Variants in FER1L5 observed in about 807,000 individuals in gnomAD.
FER1L5 encodes fer-1 like family member 5.
A neutral mutation model predicts 279.9 loss-of-function variants in FER1L5; 187 were observed. The observed-to-expected ratio is 0.67, with a 90% CI of 0.59 to 0.75. FER1L5 has a LOEUF of 0.75. Among genes scored for constraint, FER1L5 ranks in the 30% least tolerant of loss-of-function variants. FER1L5 has a pLI of 0.00. For synonymous variants in FER1L5, 921 were observed against 989.7 expected, an observed-to-expected ratio of 0.93 and a Z score of 1.30; for missense variants, 2,091 against 2,594.4, an observed-to-expected ratio of 0.81 and a Z score of 4.21.
chr2:96,669,468 G>C (rs1299091452), intron 17 of FER1L5, among the ~76,000 whole-genome samples: 2 of 152,184 alleles, frequency 1.3e-5, no homozygotes. Flanking sequence ...AGGAATGGCG[G>C]TAAATGCCAG....
chr2:96,684,280 C>A, intron 19 of FER1L5, 47 bp from the exon 20 acceptor site: 6 of 1,537,484 alleles, frequency 3.9e-6, no homozygotes, highest in Non-Finnish European at 5.3e-6. Flanking sequence ...AGAGACCTCC[C>A]AGAATCCCCC....
chr2:96,675,707 G>A (rs140609999), intron 19 of FER1L5, among the ~76,000 whole-genome samples: 86 of 152,332 alleles, frequency 5.6e-4, no homozygotes, highest in African/African-American at 1.9e-3. Context: ...GATTACAGGC[G>A]TGAGACACTG....
intron 1 of FER1L5, among the ~76,000 whole-genome samples, chr2:96,645,909 A>C (rs2075102384): frequency 6.6e-6 from 1 of 152,162 alleles, no homozygotes; most frequent in African/African-American, 2.4e-5. Context: ...GAACCCACAC[A>C]AGAAAAAAAG....
chr2:96,644,854 T>C (rs2075050413), intron 1 of FER1L5, among the ~76,000 whole-genome samples: 1 of 152,086 alleles, frequency 6.6e-6, no homozygotes, highest in Non-Finnish European at 1.5e-5. Context: ...ATTGACTAAT[T>C]TTCCAGTTAG....
At chr2:96,672,538 AAG>A (rs1156293695) in intron 18 of FER1L5, among the ~76,000 whole-genome samples, 2 of 152,152 alleles carry the variant, frequency 1.3e-5, no homozygotes, top group Admixed American at 1.3e-4. Flanking sequence ...CAACAGAAAC[AAG>A]AGGGGCTGAT....
Position 96,660,343 on chromosome 2 carries a change from A to T in FER1L5, c.750A>T (p.Thr250=). 6.4e-7 allele frequency: 1 copy of T among 1,551,686 alleles called. No individual in the cohort carries two copies. The highest frequency in any genetic ancestry group is 8.7e-7 in the Non-Finnish European group (1 of 1,146,962). The change falls in exon 10 of 53, where the codon ACA becomes ACT. Residue 250 remains threonine, a splice_region_variant and synonymous_variant. Transcript: ENST00000624922. ...TCACCCCACTGTTGTCTTTTCAGAC[A>T]GATATTGGGTTTATCTACCATTCTC... The part of the protein sequence containing the change: ...RYKAEIGRFQ[T]DIGFIYHSPG...
chr2:96,669,791 C>T (rs1302964336), intron 17 of FER1L5, among the ~76,000 whole-genome samples: 2 of 152,160 alleles, frequency 1.3e-5, no homozygotes, highest in African/African-American at 4.8e-5. Flanking sequence ...CCCCGTGGCT[C>T]ACAGTTGCCA....
At chr2:96,674,987 T>C (rs1392837160) in intron 19 of FER1L5, among the ~76,000 whole-genome samples, 5 of 152,214 alleles carry the variant, frequency 3.3e-5, no homozygotes, top group Non-Finnish European at 7.3e-5. Context: ...CTTTTCTTTT[T>C]AATTCTTCAC....
In FER1L5 at chr2:96,663,447, A is replaced by T; in HGVS notation, c.1080A>T (p.Thr360=). The change falls in exon 14 of 53, where the codon ACA becomes ACT. Residue 360 remains threonine, a synonymous_variant. Coordinates refer to ENST00000624922, the MANE Select transcript of FER1L5 (RefSeq NM_001293083.2). The stretch of plus-strand genomic sequence containing the variant: ...GCTTTGGGACATTCCAGCTCAGGAC[A>T]CACATGCAGACCCAAACCGACAACC... ...EVELIGEKLR[T]HMQTQTDNPI... is the part of the protein sequence containing the mutation. The T allele has an allele frequency of 1.3e-6, 2 of 1,551,632 alleles. No homozygotes were observed. Among genetic ancestry groups the T allele is most frequent in the Non-Finnish European group, 1.7e-6 (2 of 1,146,940 alleles).
Position 96,703,278 on chromosome 2 carries a change from T to C in FER1L5, c.5623T>C (p.Phe1875Leu). 1 of 1,613,892 alleles carries C rather than the reference T, an allele frequency of 6.2e-7. No homozygotes were observed. The highest frequency in any genetic ancestry group is 8.5e-7 in the Non-Finnish European group (1 of 1,179,856). Residue 1875 changes from phenylalanine (F) to leucine (L), a missense_variant, in exon 50 of 53, where the codon TTT (phenylalanine) becomes CTT (leucine). Phe to Leu is a conservative substitution (Grantham distance 22). Transcript: ENST00000624922. ...CATCCAATACAAGCACTTCTCCCTC[T>C]TTAAGAAGAAGACTGTGACTGGCTG... is the stretch of plus-strand genomic sequence containing the variant. ...YFIQYKHFSL[F>L]KKKTVTGWWP... is the part of the protein sequence containing the mutation.
chr2:96,666,840 T>TG (rs2076144035), intron 14 of FER1L5, among the ~76,000 whole-genome samples: 1 of 151,892 alleles, frequency 6.6e-6, no homozygotes, highest in South Asian at 2.1e-4. Flanking sequence ...TTGGTAGAGA[T>TG]GGGGGTCTCA....
intron 52 of FER1L5, 46 bp from the exon 53 acceptor site, chr2:96,704,422 G>T: frequency 6.2e-7 from 1 of 1,612,888 alleles, no homozygotes; most frequent in Non-Finnish European, 8.5e-7. Flanking sequence ...TGGGGACAGC[G>T]TCTTCAGCTT....
chr2:96,703,584 G>A lies in FER1L5; in HGVS notation c.5753G>A (p.Gly1918Glu). 1.2e-6 allele frequency: 2 copies of A among 1,613,926 alleles called. No individual in the cohort carries two copies. Among genetic ancestry groups the A allele is most frequent in the Admixed American group, 1.7e-5 (1 of 60,012 alleles). The change falls in exon 51 of 53, where the codon GGG (glycine) becomes GAG (glutamate). Residue 1918 changes from glycine (G) to glutamate (E), a missense_variant. Transcript: ENST00000624922. The part of the protein sequence containing the change: ...SEKEALIKPA[G>E]RGQSEPNQYP... ...AAGGAAGCCTTAATCAAGCCAGCCG[G>A]GCGAGGCCAGTCGGAACCCAACCAG...
Position 96,702,464 on chromosome 2 carries a change from G to C in FER1L5, c.5255+63G>C. 1.3e-6 allele frequency: 2 copies of C among 1,563,044 alleles called. No homozygotes were observed. The highest frequency in any genetic ancestry group is 1.7e-6 in the Non-Finnish European group (2 of 1,154,286). ...GTTCCCCAGTTCTGTCATCCTGCTGGCACGGCCCAGTCCTGAATGGGACAC... is the reference window on the plus strand; with the variant it reads ...GTTCCCCAGTTCTGTCATCCTGCTGCCACGGCCCAGTCCTGAATGGGACAC... On this transcript the variant is annotated intron_variant, in intron 47 of 52. Transcript: ENST00000624922. This position sits in a 1 kb window ranked among gnomAD's most constrained non-coding sequence, Gnocchi z 4.0.
At chr2:96,688,224 G>A (rs1282611478) in intron 24 of FER1L5, among the ~76,000 whole-genome samples, 2 of 152,146 alleles carry the variant, frequency 1.3e-5, no homozygotes, top group Non-Finnish European at 1.5e-5. Context: ...CAAAGGGGGC[G>A]ACTAAGTGAC....
In FER1L5 at chr2:96,642,903, A is replaced by G. The variant is rs1298389942; in HGVS notation, c.67A>G (p.Met23Val). 1.9e-6 allele frequency: 3 copies of G among 1,551,106 alleles called. No individual in the cohort carries two copies. The highest frequency in any genetic ancestry group is 1.2e-5 in the South Asian group (1 of 83,970). Residue 23 changes from methionine to valine, a missense_variant, in exon 1 of 53, where the codon ATG becomes GTG. Transcript: ENST00000624922. ...ACTAGCCCCACTACCCAGGCCCTGC[A>G]TGTCCATCGACTTCAGAGGTGAGAG... ...PPLAPLPRPC[M>V]SIDFRDIKKR...
intron 24 of FER1L5, chr2:96,688,991 A>T (rs1202448079): frequency 1.7e-5 from 9 of 538,094 alleles, no homozygotes; most frequent in Non-Finnish European, 2.3e-5. Context: ...CTGTCCACAC[A>T]TGCAGCATCC....
At position 96,660,385 on chromosome 2, in the gene FER1L5, A is replaced by G; in HGVS notation, c.778+14A>G. 1.3e-6 allele frequency: 2 copies of G among 1,551,506 alleles called. No individual in the cohort carries two copies. Among genetic ancestry groups the G allele is most frequent in the Non-Finnish European group, 8.7e-7 (1 of 1,146,820 alleles). On this transcript the variant is annotated intron_variant, in intron 10 of 52. Coordinates refer to ENST00000624922, the MANE Select transcript of FER1L5 (RefSeq NM_001293083.2). Reference sequence around the variant, plus strand: ...ACCATTCTCCAGGTAGGTAATACTTATGGCAAATATGTATGTCTTCTGAGA... The same window carrying G: ...ACCATTCTCCAGGTAGGTAATACTTGTGGCAAATATGTATGTCTTCTGAGA...
intron 19 of FER1L5, among the ~76,000 whole-genome samples, chr2:96,678,313 A>G (rs572420274): frequency 6.6e-6 from 1 of 151,990 alleles, no homozygotes; most frequent in Non-Finnish European, 1.5e-5. Context: ...TATTTTTCGT[A>G]GAGACAGGGT....
Sources: gnomAD v4.1 joint callset for allele counts (sites outside exome capture counted in the v4.1 genomes callset) on GRCh38, gnomAD v4.1.1 for gene constraint, Gnocchi (gnomAD v3.1) non-coding constraint, MANE v1.5 for transcripts, NCBI Gene and HGNC (gene_info 2026-07-23, HGNC 2026-07-21) for gene names.